FSTL4: variants seen among roughly 807,000 people sequenced by gnomAD.
The protein encoded by FSTL4 is follistatin-related protein 4.
Under a neutral mutation model 78.2 loss-of-function variants are expected in FSTL4, and 28 were observed. The observed-to-expected ratio is 0.36, with a 90% CI of 0.27 to 0.49. FSTL4 has a LOEUF of 0.49. Among genes scored for constraint, FSTL4 ranks in the 20% least tolerant of loss-of-function variants. The pLI, the probability that FSTL4 is intolerant of heterozygous loss-of-function variation, is 0.98. For synonymous variants in FSTL4, 422 were observed against 440.5 expected, an observed-to-expected ratio of 0.96 and a Z score of 0.53; for missense variants, 922 against 1,084.9, an observed-to-expected ratio of 0.85 and a Z score of 2.11.
the FSTL4 span, among the ~76,000 whole-genome samples, chr5:133,705,926 T>C: frequency 6.6e-6 from 1 of 152,012 alleles, no homozygotes; most frequent in South Asian, 2.1e-4. Context: ...ATTTGAATCA[T>C]GTGAATGGCA....
intron 8 of FSTL4, among the ~76,000 whole-genome samples, chr5:133,231,312 A>G (rs1751489510): frequency 6.6e-6 from 1 of 151,900 alleles, no homozygotes; most frequent in Non-Finnish European, 1.5e-5. Flanking sequence ...TACCCGTGCC[A>G]GAGCTCTGGA....
At chr5:133,674,984 A>T in the FSTL4 span, among the ~76,000 whole-genome samples, 1 of 152,104 alleles carries the variant, frequency 6.6e-6, no homozygotes, top group South Asian at 2.1e-4. Context: ...GCTCGTGGAG[A>T]TTGCATTCTA....
At chr5:133,668,626 T>G in the FSTL4 span, among the ~76,000 whole-genome samples, 1 of 152,202 alleles carries the variant, frequency 6.6e-6, no homozygotes, top group African/African-American at 2.4e-5. Context: ...TGGTTTCTGT[T>G]GCTAACATGA....
intron 3 of FSTL4, among the ~76,000 whole-genome samples, chr5:133,501,771 T>C (rs1386788853): frequency 6.6e-6 from 1 of 152,204 alleles, no homozygotes; most frequent in Non-Finnish European, 1.5e-5. Flanking sequence ...AAAAGGTATG[T>C]TGAAGTCCTA....
At chr5:133,328,245 C>A (rs998593154) in intron 4 of FSTL4, among the ~76,000 whole-genome samples, 2 of 152,216 alleles carry the variant, frequency 1.3e-5, no homozygotes, top group African/African-American at 2.4e-5. Flanking sequence ...AATACGCAGA[C>A]AATGCCTCAT....
At chr5:133,349,289 C>CTT (rs1754767042) in intron 4 of FSTL4, among the ~76,000 whole-genome samples, 1 of 96,370 alleles carries the variant, frequency 1.0e-5, no homozygotes, top group South Asian at 3.4e-4. Context: ...TTGAAAGCCT[C>CTT]TCTCTCTGTG....
chr5:133,519,453 G>T (rs977888599), intron 3 of FSTL4, among the ~76,000 whole-genome samples: 1 of 152,204 alleles, frequency 6.6e-6, no homozygotes, highest in South Asian at 2.1e-4. Context: ...GCAGGTGCTG[G>T]GTTAGTGCCT....
intron 6 of FSTL4, among the ~76,000 whole-genome samples, chr5:133,294,265 G>A (rs1268674388): frequency 6.6e-6 from 1 of 152,192 alleles, no homozygotes; most frequent in African/African-American, 2.4e-5. Context: ...CAACCTGTCT[G>A]TGTTGGAAGG....
At position 133,331,567 on chromosome 5, in the gene FSTL4, G is replaced by A. The variant is rs577501765; in HGVS notation, c.410-14915C>T. 7.2e-5 allele frequency among the ~76,000 whole-genome samples: 11 copies of A among 152,286 alleles called. No homozygotes were observed. The South Asian group carries it at 1.2e-3, about 17-fold the overall frequency. ...CTGCCTCAGAATGCTCTCAGAAAAC[G>A]GGTCTGCTATAAGCCGGCGATACGT... On this transcript the variant is annotated intron_variant, in intron 4 of 15. Coordinates refer to ENST00000265342, the MANE Select transcript of FSTL4 (RefSeq NM_015082.2).
Position 133,611,636 on chromosome 5 carries a change from C to T in FSTL4, c.-11+689G>A, listed in dbSNP as rs966860594. On this transcript the variant is annotated intron_variant, in intron 1 of 15. Transcript: ENST00000265342. The surrounding 1 kb of genome is among the most constrained non-coding windows in gnomAD (Gnocchi z 4.9). ...ACACGTTCAAGCGGGTACCCCGGGC[C>T]GCTCACTCTGGACCGCGGCCGGCTA... 2.0e-5 allele frequency among the ~76,000 whole-genome samples: 3 copies of T among 152,224 alleles called. No homozygotes were observed. The highest frequency in any genetic ancestry group is 7.2e-5 in the African/African-American group (3 of 41,470).
chr5:133,292,833 T>C (rs1561659613), intron 6 of FSTL4, among the ~76,000 whole-genome samples: 1 of 152,110 alleles, frequency 6.6e-6, no homozygotes, highest in Admixed American at 6.5e-5. Context: ...TCATCTTTAA[T>C]GTTTTCATTC....
intron 6 of FSTL4, among the ~76,000 whole-genome samples, chr5:133,286,573 C>T (rs1317855826): frequency 1.3e-5 from 2 of 152,158 alleles, no homozygotes; most frequent in Admixed American, 6.5e-5. Context: ...ACTCATGACC[C>T]CTGTGGCTCT....
intron 7 of FSTL4, among the ~76,000 whole-genome samples, chr5:133,246,093 CT>C (rs1752031194): frequency 6.6e-6 from 1 of 152,220 alleles, no homozygotes; most frequent in South Asian, 2.1e-4. Flanking sequence ...GCCCACGCTC[CT>C]TCGTGCTCTG....
chr5:133,310,664 C>G (rs1753757834), intron 6 of FSTL4, among the ~76,000 whole-genome samples: 1 of 152,178 alleles, frequency 6.6e-6, no homozygotes, highest in Admixed American at 6.5e-5. Context: ...AGTAATGATG[C>G]CTGGTATGCC....
At chr5:133,718,858 T>A in the FSTL4 span, among the ~76,000 whole-genome samples, 1 of 152,228 alleles carries the variant, frequency 6.6e-6, no homozygotes, top group East Asian at 1.9e-4. Flanking sequence ...ACCATGTACA[T>A]ACCAATAAGC....
At chr5:133,430,448 C>A (rs79051751) in intron 3 of FSTL4, among the ~76,000 whole-genome samples, 4,844 of 152,236 alleles carry the variant, frequency 0.032, 140 homozygotes, top group African/African-American at 0.075. Context: ...TGAATACAGT[C>A]TCCAATTCAT....
chr5:133,689,162 G>A, the FSTL4 span, among the ~76,000 whole-genome samples: 1 of 152,106 alleles, frequency 6.6e-6, no homozygotes, highest in Non-Finnish European at 1.5e-5. Context: ...CAGTGGCCCG[G>A]TTGGCCAGCC....
At chr5:133,805,297 AC>A in the FSTL4 span, among the ~76,000 whole-genome samples, 1 of 152,024 alleles carries the variant, frequency 6.6e-6, no homozygotes, top group Admixed American at 6.5e-5. Flanking sequence ...ATGCGCTATT[AC>A]CCGGAAAGAG....
At chr5:133,478,932 T>C (rs1757972159) in intron 3 of FSTL4, among the ~76,000 whole-genome samples, 1 of 152,114 alleles carries the variant, frequency 6.6e-6, no homozygotes, top group Non-Finnish European at 1.5e-5. Context: ...CCCTAAAGCA[T>C]ACAGATAAAA....
Sources: gnomAD v4.1 joint callset for allele counts (sites outside exome capture counted in the v4.1 genomes callset) on GRCh38, gnomAD v4.1.1 for gene constraint, Gnocchi (gnomAD v3.1) non-coding constraint, MANE v1.5 for transcripts, NCBI Gene and HGNC (gene_info 2026-07-23, HGNC 2026-07-21) for gene names.